The following TMOD2 variants were observed in gnomAD, a reference collection of about 807,000 sequenced individuals.
The protein encoded by TMOD2 is tropomodulin-2.
In TMOD2, 22 loss-of-function variants were observed where a neutral mutation model predicts 39.9. The ratio of observed to expected loss-of-function variants is 0.55; its 90% CI spans 0.39 to 0.79. The LOEUF (loss-of-function observed/expected upper bound fraction) is 0.79. TMOD2 is among the 30% of genes least tolerant of loss of function. The probability of loss-of-function intolerance (pLI) is 0.00; values close to 1 mark genes in which losing one functional copy is unlikely to be tolerated. For missense variants in TMOD2, 386 were observed against 413.3 expected, an observed-to-expected ratio of 0.93 and a Z score of 0.57; for synonymous variants, 123 against 146.1, an observed-to-expected ratio of 0.84 and a Z score of 1.14.
intron 7 of TMOD2, among the ~76,000 whole-genome samples, chr15:51,797,821 A>C (rs1163372431): frequency 4.6e-5 from 7 of 151,482 alleles, no homozygotes; most frequent in Non-Finnish European, 1.0e-4. Context: ...AAGGAAAAAA[A>C]CTGGGTTTTC....
At chr15:51,781,021 T>C (rs1376346895) in intron 5 of TMOD2, 23 bp from the exon 6 acceptor site, 1 of 1,567,782 alleles carries the variant, frequency 6.4e-7, no homozygotes, top group Admixed American at 2.1e-5. Context: ...TTGCATTTTT[T>C]AAAATGAAAA....
chr15:51,781,403 T>C (rs2055928737), intron 6 of TMOD2, among the ~76,000 whole-genome samples: 1 of 152,228 alleles, frequency 6.6e-6, no homozygotes, highest in Non-Finnish European at 1.5e-5. Flanking sequence ...GTTATATCTA[T>C]TGCTGAGTAA....
chr15:51,769,197 CAAAG>C (rs1220207584), intron 3 of TMOD2, among the ~76,000 whole-genome samples: 5 of 152,166 alleles, frequency 3.3e-5, no homozygotes, highest in African/African-American at 1.2e-4. Flanking sequence ...TCTCGAACCC[CAAAG>C]AAAGTTTTGA....
chr15:51,787,732 C>T (rs1271900839), intron 7 of TMOD2, among the ~76,000 whole-genome samples: 1 of 152,190 alleles, frequency 6.6e-6, no homozygotes, highest in Admixed American at 6.5e-5. Flanking sequence ...TGGAGTGGAC[C>T]TCCAGCAAAC....
intron 8 of TMOD2, among the ~76,000 whole-genome samples, chr15:51,801,231 TCTCTCTCACACACA>T (rs1347526993): frequency 7.3e-4 from 71 of 97,418 alleles, no homozygotes; most frequent in Non-Finnish European, 9.3e-4. Context: ...TCTCTCTCTC[TCTCTCTCACACACA>T]CACACACACA....
At chr15:51,756,513 A>G (rs4238383) in intron 1 of TMOD2, 72,882 of 152,034 alleles carry the variant, frequency 0.48, 17,755 homozygotes, top group Admixed American at 0.54. Flanking sequence ...AAGGACCAGA[A>G]GTTTGGAGAG....
rs2056168485 is a variant in TMOD2 at position 51,813,385 on chromosome 15, G to GTCC, written c.*4931_*4932insTCC. The GTCC allele has an allele frequency of 6.6e-6, 1 of 152,196 alleles. No homozygotes were observed. The highest frequency in any genetic ancestry group is 6.6e-5 in the Admixed American group (1 of 15,266). The allele number at this position is 152,196 out of a possible 1,614,324, so 9.4% of individuals were successfully genotyped here. ...CCAGTTGGGATACATTGTTGACTTG[G>GTCC]GGGAGGATGAAGGAGAGAACTGATG... On this transcript the variant is annotated 3_prime_UTR_variant, in exon 10 of 10. Transcript: ENST00000249700.
intron 7 of TMOD2, among the ~76,000 whole-genome samples, chr15:51,796,027 G>A (rs1414552100): frequency 6.7e-6 from 1 of 149,906 alleles, no homozygotes; most frequent in Non-Finnish European, 1.5e-5. Context: ...TGACCTGCTT[G>A]GTCAACTTTA....
chr15:51,771,243 G>A (rs865867200), intron 3 of TMOD2, among the ~76,000 whole-genome samples: 2 of 152,210 alleles, frequency 1.3e-5, no homozygotes, highest in Non-Finnish European at 2.9e-5. Context: ...AGAGCAGAGC[G>A]AAGAGTATGC....
chr15:51,797,783 A>G (rs1302069296), intron 7 of TMOD2, among the ~76,000 whole-genome samples: 1 of 151,994 alleles, frequency 6.6e-6, no homozygotes, highest in Non-Finnish European at 1.5e-5. Context: ...AGTCAATGGT[A>G]AAGTTTTTTT....
intron 5 of TMOD2, among the ~76,000 whole-genome samples, chr15:51,777,522 C>T (rs1038802352): frequency 1.2e-4 from 18 of 152,124 alleles, no homozygotes; most frequent in African/African-American, 3.9e-4. Context: ...GACTTACGTG[C>T]ACAGGACATT....
intron 1 of TMOD2, among the ~76,000 whole-genome samples, chr15:51,763,124 A>G (rs1332239701): frequency 6.6e-6 from 1 of 152,050 alleles, no homozygotes; most frequent in Non-Finnish European, 1.5e-5. Flanking sequence ...AAAATTGTAG[A>G]AACGGGGTCT....
intron 1 of TMOD2, among the ~76,000 whole-genome samples, chr15:51,757,326 C>T (rs1043084944): frequency 5.5e-5 from 8 of 144,958 alleles, no homozygotes; most frequent in African/African-American, 1.3e-4. Context: ...GGCGTGAACC[C>T]GGGAGGCAGA....
intron 7 of TMOD2, among the ~76,000 whole-genome samples, chr15:51,791,201 T>C (rs963126245): frequency 6.6e-6 from 1 of 152,116 alleles, no homozygotes; most frequent in Admixed American, 6.6e-5. Context: ...AACATTTCTA[T>C]ACACCAAGAA....
At chr15:51,760,168 T>C (rs2055771028) in intron 1 of TMOD2, among the ~76,000 whole-genome samples, 1 of 152,244 alleles carries the variant, frequency 6.6e-6, no homozygotes, top group South Asian at 2.1e-4. Flanking sequence ...GTTCATTCCC[T>C]ATTGCTGCTG....
chr15:51,752,377 A>G (rs1042412760), intron 1 of TMOD2: 3 of 152,236 alleles, frequency 2.0e-5, no homozygotes, highest in Admixed American at 2.0e-4. Context: ...CAGTAATAAA[A>G]GGCTTCTAAT....
rs2056185964 is a variant in TMOD2 at position 51,815,936 on chromosome 15, A to G, written c.*7482A>G. ...TGTTTAAACAAGTGTTTAAACTTCTATTGGCAACATTTATTGGGCTAAGCA... is the reference window on the plus strand; with the variant it reads ...TGTTTAAACAAGTGTTTAAACTTCTGTTGGCAACATTTATTGGGCTAAGCA... On this transcript the variant is annotated 3_prime_UTR_variant, in exon 10 of 10. Transcript: ENST00000249700. The G allele has an allele frequency of 6.6e-6, 1 of 152,194 alleles. No individual in the cohort carries two copies. The highest frequency in any genetic ancestry group is 2.4e-5 in the African/African-American group (1 of 41,460). The allele number at this position is 152,194 out of a possible 1,614,324, so 9.4% of individuals were successfully genotyped here. A position where few individuals can be genotyped will look rare whatever the true frequency, so the allele number is the denominator to read the frequency against.
intron 1 of TMOD2, among the ~76,000 whole-genome samples, chr15:51,760,138 G>A (rs2055770933): frequency 6.6e-6 from 1 of 152,242 alleles, no homozygotes. Flanking sequence ...GAAAATGGAA[G>A]TATTTGGGTA....
Position 51,808,512 on chromosome 15 carries a change from C to G in TMOD2, c.*58C>G. The G allele has an allele frequency of 6.9e-7, 1 of 1,440,172 alleles. No homozygotes were observed. The highest frequency in any genetic ancestry group is 9.6e-7 in the Non-Finnish European group (1 of 1,038,760). 89.2% of individuals were successfully genotyped at this position (1,440,172 alleles called of 1,614,324 possible). Reference sequence around the variant, plus strand: ...GTATGGCCATTGAAAAACAAAAACTCTTCTTCTTCCCCATCAGGACCATTT... The same window carrying G: ...GTATGGCCATTGAAAAACAAAAACTGTTCTTCTTCCCCATCAGGACCATTT... On this transcript the variant is annotated 3_prime_UTR_variant, in exon 10 of 10. Transcript: ENST00000249700.
Sources: gnomAD v4.1 joint callset for allele counts (sites outside exome capture counted in the v4.1 genomes callset) on GRCh38, gnomAD v4.1.1 for gene constraint, MANE v1.5 for transcripts, NCBI Gene and HGNC (gene_info 2026-07-23, HGNC 2026-07-21) for gene names.